The following CNTNAP2 variants were observed in gnomAD, a reference collection of about 807,000 sequenced individuals.
CNTNAP2 encodes contactin-associated protein-like 2.
CNTNAP2 carries 98 observed loss-of-function variants against 155.2 expected under a neutral mutation model. The ratio of observed to expected loss-of-function variants is 0.63; its 90% CI spans 0.54 to 0.75. CNTNAP2 has a LOEUF of 0.75. Ranked by LOEUF, CNTNAP2 falls within the 30% of genes least tolerant of loss-of-function variation. The pLI is 0.00. For missense variants in CNTNAP2, 1,727 were observed against 1,688.1 expected (o/e 1.02, Z -0.40); for synonymous variants, 651 against 631.2 (o/e 1.03, Z -0.47).
rs954136122 is a variant in CNTNAP2, at chr7:147,462,908, C to T, written c.1671-23027C>T. On this transcript the variant is annotated intron_variant, in intron 10 of 23. Transcript: ENST00000361727. ...GGATACTATATTCTAACAAGTGTAT[C>T]GAGAAGTAACAGTTATGAACACACT... 3.3e-5 allele frequency among the ~76,000 whole-genome samples: 5 copies of T among 152,012 alleles called. No homozygotes were observed. The South Asian group carries it at 8.3e-4, about 25-fold the overall frequency.
chr7:147,034,953 C>G (rs1799119620), intron 3 of CNTNAP2, among the ~76,000 whole-genome samples: 1 of 146,338 alleles, frequency 6.8e-6, no homozygotes, highest in Non-Finnish European at 1.5e-5. Context: ...CCTGTCTGCA[C>G]TTAGTTCCGT....
intron 9 of CNTNAP2, among the ~76,000 whole-genome samples, chr7:147,359,740 C>G (rs532090679): frequency 6.6e-6 from 1 of 152,212 alleles, no homozygotes; most frequent in South Asian, 2.1e-4. Flanking sequence ...GTCTCCTCTT[C>G]TTCAAAATAT....
chr7:148,384,019 C>T (rs1455766477), intron 22 of CNTNAP2, 131 bp downstream of exon 22: 7 of 1,306,176 alleles, frequency 5.4e-6, no homozygotes, highest in South Asian at 1.3e-5. Flanking sequence ...GGCAAAGGAA[C>T]GTTGTGAGTA....
chr7:147,507,719 A>AT lies in CNTNAP2; in HGVS notation c.1777+21684dup, dbSNP rs563690297. 6.0e-4 allele frequency among the ~76,000 whole-genome samples: 91 copies of AT among 151,510 alleles called. No homozygotes were observed. The East Asian group carries it at 0.013, about 21-fold the overall frequency. On this transcript the variant is annotated intron_variant, in intron 11 of 23. Coordinates refer to ENST00000361727, the MANE Select transcript of CNTNAP2 (RefSeq NM_014141.6). Reference sequence around the variant, plus strand: ...AGGTGTCTGCCACCACGCGCGGCTAATTTTTTGTATTTTTTAGTAGAGACG... The same window carrying AT: ...AGGTGTCTGCCACCACGCGCGGCTAATTTTTTTGTATTTTTTAGTAGAGACG...
chr7:146,816,346 G>A (rs1292875837), intron 2 of CNTNAP2, among the ~76,000 whole-genome samples: 1 of 152,114 alleles, frequency 6.6e-6, no homozygotes, highest in Non-Finnish European at 1.5e-5. Flanking sequence ...AATGCCCTGA[G>A]GGTCCAGATT....
chr7:146,554,256 A>T (rs548335246), intron 1 of CNTNAP2, among the ~76,000 whole-genome samples: 1 of 152,276 alleles, frequency 6.6e-6, no homozygotes, highest in Admixed American at 6.5e-5. Context: ...CCCTAAAAAA[A>T]TACTCATTTT....
chr7:147,777,385 G>A (rs1797600729), intron 13 of CNTNAP2, among the ~76,000 whole-genome samples: 1 of 152,200 alleles, frequency 6.6e-6, no homozygotes, highest in Admixed American at 6.5e-5. Context: ...ATGTCTGAAG[G>A]TTTGCTGTAA....
intron 3 of CNTNAP2, among the ~76,000 whole-genome samples, chr7:146,916,165 G>A (rs186813440): frequency 9.2e-5 from 14 of 152,082 alleles, no homozygotes; most frequent in Non-Finnish European, 1.6e-4. Flanking sequence ...CTTGTTATGA[G>A]ACCCACTTGA....
At chr7:147,778,330 C>T (rs376093961) in intron 13 of CNTNAP2, among the ~76,000 whole-genome samples, 2 of 152,136 alleles carry the variant, frequency 1.3e-5, no homozygotes, top group Non-Finnish European at 2.9e-5. Context: ...AATACTAAAA[C>T]ACAAGTTACT....
intron 1 of CNTNAP2, among the ~76,000 whole-genome samples, chr7:146,341,155 ATCTT>A (rs1386764185): frequency 2.6e-5 from 4 of 152,132 alleles, no homozygotes; most frequent in Non-Finnish European, 5.9e-5. Flanking sequence ...CATTTTAACT[ATCTT>A]ATTTTATTCA....
chr7:147,719,414 G>A (rs1193394848), intron 13 of CNTNAP2, among the ~76,000 whole-genome samples: 1 of 151,930 alleles, frequency 6.6e-6, no homozygotes, highest in African/African-American at 2.4e-5. Flanking sequence ...AATCTGGCTG[G>A]TATTTTTATT....
intron 9 of CNTNAP2, among the ~76,000 whole-genome samples, chr7:147,372,768 C>T (rs1421599281): frequency 3.9e-5 from 6 of 151,982 alleles, no homozygotes; most frequent in Non-Finnish European, 7.4e-5. Flanking sequence ...GAGCCTGAAC[C>T]ACAATCCCAA....
At chr7:146,172,105 T>C (rs1355052807) in intron 1 of CNTNAP2, among the ~76,000 whole-genome samples, 1 of 151,644 alleles carries the variant, frequency 6.6e-6, no homozygotes, top group African/African-American at 2.4e-5. Flanking sequence ...CTTCTTTTTT[T>C]TGTTACCAGT....
chr7:148,138,831 G>C (rs1805007234), intron 16 of CNTNAP2, among the ~76,000 whole-genome samples: 1 of 152,140 alleles, frequency 6.6e-6, no homozygotes, highest in Non-Finnish European at 1.5e-5. Flanking sequence ...GGGGATTGTT[G>C]CCAGCCACAT....
intron 1 of CNTNAP2, among the ~76,000 whole-genome samples, chr7:146,401,170 T>C (rs954528549): frequency 1.3e-5 from 2 of 152,192 alleles, no homozygotes; most frequent in African/African-American, 4.8e-5. Flanking sequence ...ATAACTTTCC[T>C]AATGTTTTCT....
chr7:146,342,758 G>C (rs1794750688), intron 1 of CNTNAP2, among the ~76,000 whole-genome samples: 1 of 152,150 alleles, frequency 6.6e-6, no homozygotes, highest in Non-Finnish European at 1.5e-5. Flanking sequence ...CCATTTATCT[G>C]TCTGTCAATT....
intron 10 of CNTNAP2, among the ~76,000 whole-genome samples, chr7:147,480,940 C>T (rs1202726376): frequency 6.6e-6 from 1 of 152,110 alleles, no homozygotes; most frequent in Non-Finnish European, 1.5e-5. Context: ...CCTATGCACA[C>T]AAAGGTTTGA....
At chr7:146,717,768 T>A (rs545858719) in intron 1 of CNTNAP2, among the ~76,000 whole-genome samples, 1 of 152,282 alleles carries the variant, frequency 6.6e-6, no homozygotes, top group South Asian at 2.1e-4. Context: ...AGGTTTTTTT[T>A]TGTGCCAGGG....
chr7:146,428,043 C>A (rs1796118178), intron 1 of CNTNAP2, among the ~76,000 whole-genome samples: 2 of 152,154 alleles, frequency 1.3e-5, no homozygotes, highest in Non-Finnish European at 2.9e-5. Flanking sequence ...GCCCCCAGCT[C>A]CATCCGTGTC....
Sources: gnomAD v4.1 joint callset for allele counts (sites outside exome capture counted in the v4.1 genomes callset) on GRCh38, gnomAD v4.1.1 for gene constraint, MANE v1.5 for transcripts, NCBI Gene and HGNC (gene_info 2026-07-23, HGNC 2026-07-21) for gene names.